ANXA4: variants seen among roughly 807,000 people sequenced by gnomAD.
ANXA4 encodes annexin A4.
In ANXA4, 39 loss-of-function variants were observed where a neutral mutation model predicts 49.8. The ratio of observed to expected loss-of-function variants is 0.78; its 90% CI spans 0.61 to 1.02. The LOEUF is 1.02. Among genes scored for constraint, ANXA4 ranks in the 50% least tolerant of loss-of-function variants. The pLI, the probability that ANXA4 is intolerant of heterozygous loss-of-function variation, is 0.00. For missense variants in ANXA4, 360 were observed against 410.1 expected, an observed-to-expected ratio of 0.88 and a Z score of 1.05; for synonymous variants, 134 against 152.5, an observed-to-expected ratio of 0.88 and a Z score of 0.89.
chr2:69,664,794 A>G (rs1676874687), intron 2 of ANXA4, among the ~76,000 whole-genome samples: 1 of 152,158 alleles, frequency 6.6e-6, no homozygotes, highest in Non-Finnish European at 1.5e-5. Context: ...GGTTTCTGTG[A>G]CTGCACCTCT....
intron 1 of ANXA4, among the ~76,000 whole-genome samples, chr2:69,757,740 C>T (rs901788657): frequency 2.6e-4 from 40 of 151,342 alleles, no homozygotes; most frequent in African/African-American, 8.7e-4. Flanking sequence ...GGGTGGATCA[C>T]GAGGTCGAGA....
At chr2:69,805,835 AG>A (rs1673423346) in intron 4 of ANXA4, among the ~76,000 whole-genome samples, 1 of 152,204 alleles carries the variant, frequency 6.6e-6, no homozygotes, top group Non-Finnish European at 1.5e-5. Flanking sequence ...TTGCCCTATT[AG>A]AAACTAAAAC....
chr2:69,647,411 TA>T (rs1676049648), intron 1 of ANXA4, among the ~76,000 whole-genome samples: 2 of 142,396 alleles, frequency 1.4e-5, no homozygotes, highest in African/African-American at 2.6e-5. Flanking sequence ...TTTATTTATT[TA>T]TTTATTTATT....
chr2:69,824,504 GAA>G (rs70954363), intron 12 of ANXA4, among the ~76,000 whole-genome samples: 2 of 84,860 alleles, frequency 2.4e-5, no homozygotes, highest in Non-Finnish European at 4.7e-5. Flanking sequence ...CTCCGTCTCA[GAA>G]AAAAAAAAAA....
At chr2:69,777,927 G>T (rs1352679214) in intron 1 of ANXA4, among the ~76,000 whole-genome samples, 3 of 152,184 alleles carry the variant, frequency 2.0e-5, no homozygotes, top group Non-Finnish European at 4.4e-5. Flanking sequence ...AGCTTCCTGG[G>T]CCACATGGTC....
intron 2 of ANXA4, among the ~76,000 whole-genome samples, chr2:69,656,942 A>C (rs962255493): frequency 6.6e-6 from 1 of 151,756 alleles, no homozygotes; most frequent in Non-Finnish European, 1.5e-5. Flanking sequence ...AATATCATAC[A>C]CTGTGAGCTA....
chr2:69,725,122 T>C (rs1442664423), intron 3 of ANXA4, among the ~76,000 whole-genome samples: 5 of 152,186 alleles, frequency 3.3e-5, no homozygotes, highest in Non-Finnish European at 7.3e-5. Context: ...CTCAGCTTCC[T>C]GACATCCACC....
chr2:69,729,396 A>G (rs1670041013), intron 3 of ANXA4, among the ~76,000 whole-genome samples: 1 of 152,216 alleles, frequency 6.6e-6, no homozygotes, highest in African/African-American at 2.4e-5. Context: ...ATGTTTGACA[A>G]TTTATTTTTA....
chr2:69,731,216 C>T (rs1459591121), intron 3 of ANXA4, among the ~76,000 whole-genome samples: 1 of 152,170 alleles, frequency 6.6e-6, no homozygotes, highest in Non-Finnish European at 1.5e-5. Flanking sequence ...TCTGGAGTCT[C>T]CTGCAATGAC....
intron 1 of ANXA4, among the ~76,000 whole-genome samples, chr2:69,754,331 T>C (rs1453865375): frequency 6.6e-6 from 1 of 152,204 alleles, no homozygotes; most frequent in East Asian, 1.9e-4. Context: ...CAGACATCAA[T>C]AGTTTGAGTC....
At chr2:69,723,486 TC>T (rs1407036783) in intron 3 of ANXA4, among the ~76,000 whole-genome samples, 1 of 152,140 alleles carries the variant, frequency 6.6e-6, no homozygotes, top group African/African-American at 2.4e-5. Context: ...GCAGAGAGAC[TC>T]TTGTTCTAGT....
upstream of ANXA4, among the ~76,000 whole-genome samples, chr2:69,739,301 A>G (rs1172450363): frequency 6.6e-6 from 1 of 152,136 alleles, no homozygotes; most frequent in Non-Finnish European, 1.5e-5. Context: ...CTGTTAAGTC[A>G]GTTATCACCT....
intron 8 of ANXA4, chr2:69,815,076 C>G (rs912380148): frequency 6.6e-6 from 1 of 152,204 alleles, no homozygotes; most frequent in African/African-American, 2.4e-5. Context: ...TTCTTGAAAA[C>G]AAAAGCTTTC....
chr2:69,787,904 G>C, intron 2 of ANXA4, 150 bp from the exon 3 acceptor site: 1 of 629,152 alleles, frequency 1.6e-6, no homozygotes, highest in South Asian at 1.9e-5. Context: ...CGGGGAGCAA[G>C]AGCTTAATTT....
intron 12 of ANXA4, among the ~76,000 whole-genome samples, chr2:69,824,370 G>T (rs990087121): frequency 5.3e-5 from 8 of 152,038 alleles, no homozygotes; most frequent in Non-Finnish European, 1.2e-4. Flanking sequence ...AGGCGTGGTG[G>T]TGTGTACCTG....
chr2:69,758,821 G>A (rs922080026), intron 1 of ANXA4, among the ~76,000 whole-genome samples: 2 of 151,968 alleles, frequency 1.3e-5, no homozygotes, highest in African/African-American at 2.4e-5. Flanking sequence ...ACAGAAGTAA[G>A]TATCTACAAG....
intron 1 of ANXA4, among the ~76,000 whole-genome samples, chr2:69,757,264 ATATTTT>A (rs1328407694): frequency 0.059 from 1,621 of 27,270 alleles, 6 homozygotes; most frequent in Non-Finnish European, 0.068. Context: ...ATATATATAT[ATATTTT>A]TTTTTTTTTT....
At chr2:69,650,482 T>C (rs1676191901) in intron 1 of ANXA4, among the ~76,000 whole-genome samples, 1 of 152,084 alleles carries the variant, frequency 6.6e-6, no homozygotes, top group Non-Finnish European at 1.5e-5. Flanking sequence ...TTGTATCCTT[T>C]TTTTTTTCTT....
intron 1 of ANXA4, among the ~76,000 whole-genome samples, chr2:69,645,737 C>CA (rs1270803561): frequency 2.6e-5 from 4 of 152,110 alleles, no homozygotes; most frequent in African/African-American, 4.8e-5. Context: ...GTTTAAAAAA[C>CA]AAAAAACATG....
Sources: allele counts gnomAD v4.1 joint callset (sites outside exome capture counted in the v4.1 genomes callset), GRCh38; gene constraint gnomAD v4.1.1; transcripts MANE v1.5; gene names NCBI Gene and HGNC (gene_info 2026-07-23, HGNC 2026-07-21).